Variants in MTFR1 observed in about 807,000 individuals in gnomAD.
The protein encoded by MTFR1 is chondrocyte protein with a poly-proline region.
In MTFR1, 28 loss-of-function variants were observed where a neutral mutation model predicts 38.8. The observed-to-expected ratio is 0.72, with a 90% CI of 0.53 to 0.99. The LOEUF is 0.99. MTFR1 is among the 50% of genes least tolerant of loss of function. The probability of loss-of-function intolerance (pLI) is 0.00; values close to 1 mark genes in which losing one functional copy is unlikely to be tolerated. For synonymous variants in MTFR1, 145 were observed against 137.0 expected, an observed-to-expected ratio of 1.06 and a Z score of -0.41; for missense variants, 358 against 395.5, an observed-to-expected ratio of 0.91 and a Z score of 0.81.
chr8:65,663,356 ACT>A (rs1804256735), intron 1 of MTFR1, among the ~76,000 whole-genome samples: 1 of 151,530 alleles, frequency 6.6e-6, no homozygotes. Context: ...AGTCATCACC[ACT>A]CTCTAATCTC....
At chr8:65,704,985 G>T in intron 5 of MTFR1, 56 bp downstream of exon 5, 1 of 1,397,530 alleles carries the variant, frequency 7.2e-7, no homozygotes, top group African/African-American at 1.4e-5. Context: ...TTAGGAGAAT[G>T]CTACTTACTT....
intron 3 of MTFR1, among the ~76,000 whole-genome samples, chr8:65,747,275 T>C (rs918763460): frequency 6.6e-6 from 1 of 152,188 alleles, no homozygotes; most frequent in East Asian, 1.9e-4. Context: ...CGCAAACAAG[T>C]CCCTCGTGCT....
intron 3 of MTFR1, among the ~76,000 whole-genome samples, chr8:65,748,613 A>G (rs1234671604): frequency 6.6e-6 from 1 of 152,236 alleles, no homozygotes; most frequent in African/African-American, 2.4e-5. Context: ...TTCACAATAT[A>G]AAACAGGAAA....
chr8:65,655,961 T>TATATAC (rs1563432854), intron 1 of MTFR1, among the ~76,000 whole-genome samples: 2 of 33,002 alleles, frequency 6.1e-5, no homozygotes, highest in Non-Finnish European at 1.1e-4. Flanking sequence ...AATATATATA[T>TATATAC]ATATATACCA....
the MTFR1 span, among the ~76,000 whole-genome samples, chr8:65,776,345 T>A: frequency 6.6e-6 from 1 of 152,202 alleles, no homozygotes; most frequent in East Asian, 1.9e-4. Context: ...TCACCTTGAC[T>A]TAATTATTAT....
intron 3 of MTFR1, among the ~76,000 whole-genome samples, chr8:65,690,587 C>T (rs961019222): frequency 1.3e-5 from 2 of 151,984 alleles, no homozygotes; most frequent in African/African-American, 4.8e-5. Context: ...TTTTTCTTCC[C>T]TCCTCCCCAC....
intron 3 of MTFR1, among the ~76,000 whole-genome samples, chr8:65,760,455 A>G (rs921272170): frequency 2.6e-5 from 4 of 152,338 alleles, no homozygotes; most frequent in Admixed American, 6.5e-5. Context: ...TTCCCTTAGA[A>G]TAAGTATTCA....
chr8:65,700,934 C>T (rs1410793206), intron 4 of MTFR1, among the ~76,000 whole-genome samples: 1 of 152,202 alleles, frequency 6.6e-6, no homozygotes, highest in East Asian at 1.9e-4. Context: ...AAAGTTACCC[C>T]TCTGCTCACC....
intron 5 of MTFR1, among the ~76,000 whole-genome samples, chr8:65,705,597 G>A (rs1244345019): frequency 6.6e-6 from 1 of 152,166 alleles, no homozygotes; most frequent in African/African-American, 2.4e-5. Flanking sequence ...TATCTACTTG[G>A]TGAAAGGAGC....
intron 3 of MTFR1, chr8:65,723,552 T>C (rs1191272565): frequency 1.9e-6 from 3 of 1,576,336 alleles, no homozygotes; most frequent in African/African-American, 1.4e-5. Context: ...AATCTGGATG[T>C]TGGCAATAGA....
At chr8:65,659,295 G>A (rs1384043107) in intron 1 of MTFR1, among the ~76,000 whole-genome samples, 18 of 151,632 alleles carry the variant, frequency 1.2e-4, no homozygotes, top group African/African-American at 2.4e-4. Context: ...ATAAATTCTC[G>A]GTGCTACAAA....
chr8:65,719,486 G>A (rs1806286524), intron 3 of MTFR1: 5 of 1,610,466 alleles, frequency 3.1e-6, no homozygotes, highest in Non-Finnish European at 4.2e-6. Context: ...CACTAGGTAA[G>A]TCATAAAACC....
At chr8:65,703,235 A>G (rs75339108) in intron 4 of MTFR1, among the ~76,000 whole-genome samples, 4,698 of 151,886 alleles carry the variant, frequency 0.031, 239 homozygotes, top group African/African-American at 0.11. Context: ...AAAGAAAAAA[A>G]TTAGCCAGGC....
At chr8:65,681,601 G>A (rs1804891221) in intron 2 of MTFR1, among the ~76,000 whole-genome samples, 1 of 151,788 alleles carries the variant, frequency 6.6e-6, no homozygotes. Context: ...CATATACTTG[G>A]GGAGAAGTTT....
chr8:65,691,767 A>T (rs1805287746), intron 3 of MTFR1, among the ~76,000 whole-genome samples: 1 of 152,130 alleles, frequency 6.6e-6, no homozygotes, highest in Non-Finnish European at 1.5e-5. Context: ...CTCATGCCTC[A>T]GCCACCCTAG....
intron 1 of MTFR1, among the ~76,000 whole-genome samples, chr8:65,653,775 C>T (rs1809183711): frequency 6.6e-6 from 1 of 151,810 alleles, no homozygotes; most frequent in Non-Finnish European, 1.5e-5. Flanking sequence ...TTAAAAATTA[C>T]AAAAGTAGGC....
intron 4 of MTFR1, among the ~76,000 whole-genome samples, chr8:65,698,670 T>A (rs1022766344): frequency 1.3e-5 from 2 of 152,102 alleles, no homozygotes; most frequent in African/African-American, 4.8e-5. Context: ...TAGGACTCAA[T>A]AGGTAGTTTT....
intron 3 of MTFR1, among the ~76,000 whole-genome samples, chr8:65,684,905 G>A (rs1032655790): frequency 6.6e-6 from 1 of 152,076 alleles, no homozygotes; most frequent in Non-Finnish European, 1.5e-5. Flanking sequence ...TCAGGAGGCT[G>A]AGGCAGGAGA....
intron 1 of MTFR1, among the ~76,000 whole-genome samples, chr8:65,669,061 G>A (rs180987613): frequency 7.2e-5 from 11 of 152,304 alleles, no homozygotes; most frequent in Middle Eastern, 3.4e-3. Context: ...CTGAATTTCT[G>A]TTCTGTATTT....
Sources: gnomAD v4.1 joint callset for allele counts (sites outside exome capture counted in the v4.1 genomes callset) on GRCh38, gnomAD v4.1.1 for gene constraint, MANE v1.5 for transcripts, NCBI Gene and HGNC (gene_info 2026-07-23, HGNC 2026-07-21) for gene names.